CSMD1: variants seen among roughly 807,000 people sequenced by gnomAD.
CSMD1 encodes the protein CUB and Sushi multiple domains 1.
CSMD1 carries 213 observed loss-of-function variants against 417.5 expected under a neutral mutation model. The ratio of observed to expected loss-of-function variants is 0.51; its 90% CI spans 0.46 to 0.57. The LOEUF (loss-of-function observed/expected upper bound fraction) is 0.57, where lower values mean the gene tolerates loss of function less well. CSMD1 is among the 20% of genes least tolerant of loss of function. The pLI is 0.00. For missense variants in CSMD1, 6,923 were observed against 4,529.7 expected, an observed-to-expected ratio of 1.53 and a Z score of -15.17; for synonymous variants, 2,862 against 1,736.8, an observed-to-expected ratio of 1.65 and a Z score of -16.11.
chr8:4,856,584 A>G (rs1420994071), intron 1 of CSMD1, among the ~76,000 whole-genome samples: 14 of 143,064 alleles, frequency 9.8e-5, no homozygotes, highest in African/African-American at 3.6e-4. Context: ...TACCAAGCCA[A>G]TGGAAAACAA....
chr8:3,310,346 G>C (rs1165382405), intron 23 of CSMD1, among the ~76,000 whole-genome samples: 1 of 149,712 alleles, frequency 6.7e-6, no homozygotes, highest in Non-Finnish European at 1.5e-5. Flanking sequence ...GTGTTACTGG[G>C]TTTGCGGGTT....
intron 3 of CSMD1, among the ~76,000 whole-genome samples, chr8:4,359,589 C>T (rs1442239944): frequency 6.6e-6 from 1 of 152,168 alleles, no homozygotes; most frequent in Non-Finnish European, 1.5e-5. Context: ...ACATGGTGTT[C>T]TAAAAGACTG....
chr8:3,739,407 A>G (rs1406425466), intron 6 of CSMD1, among the ~76,000 whole-genome samples: 2 of 152,236 alleles, frequency 1.3e-5, no homozygotes, highest in African/African-American at 4.8e-5. Flanking sequence ...AGGATTTAGA[A>G]TGTTCCCAAC....
intron 26 of CSMD1, among the ~76,000 whole-genome samples, chr8:3,262,184 AATATAT>A (rs201972449): frequency 0.06 from 3,746 of 62,606 alleles, 66 homozygotes; most frequent in South Asian, 0.1. Flanking sequence ...TGCTCATATG[AATATAT>A]ATATATATAT....
At chr8:4,098,957 T>C (rs1052066525) in intron 3 of CSMD1, among the ~76,000 whole-genome samples, 2 of 152,294 alleles carry the variant, frequency 1.3e-5, no homozygotes, top group East Asian at 1.9e-4. Flanking sequence ...AAAACTGTTT[T>C]ACAATTTTCA....
At chr8:4,918,001 C>T (rs755254355) in intron 1 of CSMD1, among the ~76,000 whole-genome samples, 1 of 152,076 alleles carries the variant, frequency 6.6e-6, no homozygotes, top group Non-Finnish European at 1.5e-5. Context: ...GATAACAAAG[C>T]TGAAATGACA....
chr8:3,979,302 T>C (rs1476600874), intron 5 of CSMD1, among the ~76,000 whole-genome samples: 1 of 152,216 alleles, frequency 6.6e-6, no homozygotes, highest in Non-Finnish European at 1.5e-5. Flanking sequence ...CTGGATGTAG[T>C]AACAGAGGTG....
intron 3 of CSMD1, among the ~76,000 whole-genome samples, chr8:4,173,150 G>C (rs1025204248): frequency 6.6e-6 from 1 of 152,196 alleles, no homozygotes; most frequent in South Asian, 2.1e-4. Context: ...AGGGTTGCTA[G>C]ATTGATTATA....
chr8:4,917,108 A>C (rs901701085), intron 1 of CSMD1, among the ~76,000 whole-genome samples: 1 of 152,182 alleles, frequency 6.6e-6, no homozygotes, highest in Non-Finnish European at 1.5e-5. Flanking sequence ...AGGCCTCAGT[A>C]AACTTACAGT....
chr8:3,888,752 C>A (rs1351107418), intron 5 of CSMD1, among the ~76,000 whole-genome samples: 3 of 152,136 alleles, frequency 2.0e-5, no homozygotes, highest in African/African-American at 4.8e-5. Flanking sequence ...GGACAACAAA[C>A]CGACCTTCCA....
intron 1 of CSMD1, among the ~76,000 whole-genome samples, chr8:4,829,283 G>A (rs539365172): frequency 6.6e-6 from 1 of 152,038 alleles, no homozygotes; most frequent in East Asian, 1.9e-4. Flanking sequence ...ACAATATTTA[G>A]TCATAAGCTT....
At chr8:4,359,643 C>G (rs962925809) in intron 3 of CSMD1, among the ~76,000 whole-genome samples, 1 of 152,138 alleles carries the variant, frequency 6.6e-6, no homozygotes, top group East Asian at 1.9e-4. Context: ...GTCATGCTCC[C>G]CTTGCAAATG....
intron 3 of CSMD1, among the ~76,000 whole-genome samples, chr8:4,399,929 T>C (rs1417372257): frequency 6.6e-6 from 1 of 152,172 alleles, no homozygotes; most frequent in Non-Finnish European, 1.5e-5. Flanking sequence ...TTGGCTTTTT[T>C]CTCCAGACCT....
intron 5 of CSMD1, among the ~76,000 whole-genome samples, chr8:3,948,399 G>C (rs1585016610): frequency 6.6e-6 from 1 of 152,078 alleles, no homozygotes; most frequent in African/African-American, 2.4e-5. Flanking sequence ...AGGAGAGGGA[G>C]GGAGAACAAG....
At chr8:3,665,827 C>A in intron 7 of CSMD1, among the ~76,000 whole-genome samples, 1 of 152,134 alleles carries the variant, frequency 6.6e-6, no homozygotes, top group Non-Finnish European at 1.5e-5. Flanking sequence ...AATGATCAAC[C>A]CAAGGCTTAG....
chr8:3,434,718 A>G (rs551388249), intron 12 of CSMD1, among the ~76,000 whole-genome samples: 1 of 152,280 alleles, frequency 6.6e-6, no homozygotes, highest in East Asian at 1.9e-4. Flanking sequence ...TTGCTGCTGA[A>G]TAAAATCACT....
At chr8:3,985,759 T>A (rs1585082182) in intron 5 of CSMD1, among the ~76,000 whole-genome samples, 1 of 60,624 alleles carries the variant, frequency 1.6e-5, no homozygotes, top group Non-Finnish European at 3.5e-5. Flanking sequence ...TAAAGTGATT[T>A]TTTTTTTTTT....
intron 12 of CSMD1, among the ~76,000 whole-genome samples, chr8:3,451,133 A>G (rs1585183609): frequency 6.6e-6 from 1 of 152,250 alleles, no homozygotes; most frequent in Non-Finnish European, 1.5e-5. Context: ...GTGTCTGTTC[A>G]TATCCTTCGC....
intron 26 of CSMD1, among the ~76,000 whole-genome samples, chr8:3,272,988 G>A (rs890752950): frequency 1.3e-5 from 2 of 150,940 alleles, no homozygotes; most frequent in African/African-American, 2.4e-5. Context: ...AGTGGTGAGA[G>A]AGGGCATCCC....
Sources: allele counts gnomAD v4.1 joint callset (sites outside exome capture counted in the v4.1 genomes callset), GRCh38; gene constraint gnomAD v4.1.1; transcripts MANE v1.5; gene names NCBI Gene and HGNC (gene_info 2026-07-23, HGNC 2026-07-21).